The following CERS6 variants were observed in gnomAD, a reference collection of about 807,000 sequenced individuals.
CERS6 encodes the protein LAG1 homolog, ceramide synthase 6.
Under a neutral mutation model 56.8 loss-of-function variants are expected in CERS6, and 26 were observed. The ratio of observed to expected loss-of-function variants is 0.46; its 90% CI spans 0.34 to 0.63. CERS6 has a LOEUF of 0.63. CERS6 is among the 30% of genes least tolerant of loss of function. The probability of loss-of-function intolerance (pLI) is 0.01; values close to 1 mark genes in which losing one functional copy is unlikely to be tolerated. For synonymous variants in CERS6, 164 were observed against 173.3 expected (o/e 0.95, Z 0.42); for missense variants, 415 against 467.5 (o/e 0.89, Z 1.04).
chr2:168,522,823 A>G (rs558076682), intron 1 of CERS6, among the ~76,000 whole-genome samples: 264 of 152,308 alleles, frequency 1.7e-3, no homozygotes, highest in Middle Eastern at 0.017. Context: ...TGCTGAGATT[A>G]CAGGTGTGAA....
At chr2:168,764,237 G>T (rs976691338) in intron 8 of CERS6, among the ~76,000 whole-genome samples, 1 of 152,064 alleles carries the variant, frequency 6.6e-6, no homozygotes, top group Non-Finnish European at 1.5e-5. Flanking sequence ...CCACCTCCCA[G>T]GTTCACACCA....
At chr2:168,752,279 A>ATGTGTGTGTGTGTGTGTGTG (rs397870530) in intron 8 of CERS6, among the ~76,000 whole-genome samples, 2 of 132,514 alleles carry the variant, frequency 1.5e-5, no homozygotes. Context: ...AAAAAAATAA[A>ATGTGTGTGTGTGTGTGTGTG]TGTGTGTGTG....
intron 1 of CERS6, among the ~76,000 whole-genome samples, chr2:168,495,828 G>A (rs1307989995): frequency 6.6e-6 from 1 of 152,066 alleles, no homozygotes; most frequent in East Asian, 1.9e-4. Flanking sequence ...CTTTGCCCTT[G>A]TGCACCTATC....
intron 9 of CERS6, among the ~76,000 whole-genome samples, chr2:168,768,282 TGCAATGGC>T (rs1225772850): frequency 6.6e-6 from 1 of 151,360 alleles, no homozygotes; most frequent in East Asian, 1.9e-4. Context: ...CTGGCTGGAG[TGCAATGGC>T]GCGATCTTGG....
intron 6 of CERS6, among the ~76,000 whole-genome samples, chr2:168,704,350 C>G (rs949508059): frequency 4.6e-5 from 7 of 152,084 alleles, no homozygotes; most frequent in African/African-American, 1.7e-4. Context: ...AGTCCCACCT[C>G]TCTCAGGAGG....
intron 9 of CERS6, chr2:168,766,491 G>A (rs1171057620): frequency 1.3e-6 from 1 of 746,616 alleles, no homozygotes; most frequent in Non-Finnish European, 2.4e-6. Flanking sequence ...GTAGCTCTGT[G>A]AACTGCAAGA....
chr2:168,507,818 ATCTT>A (rs1016601521), intron 1 of CERS6, among the ~76,000 whole-genome samples: 1 of 152,170 alleles, frequency 6.6e-6, no homozygotes, highest in African/African-American at 2.4e-5. Context: ...TCTGAGAAAG[ATCTT>A]TCTTTCCTCT....
At chr2:168,597,535 C>G (rs1683830623) in intron 3 of CERS6, among the ~76,000 whole-genome samples, 1 of 152,098 alleles carries the variant, frequency 6.6e-6, no homozygotes, top group East Asian at 1.9e-4. Flanking sequence ...AAGATATTGC[C>G]GTCAGGTGCA....
At chr2:168,690,340 A>G (rs1253115942) in intron 4 of CERS6, among the ~76,000 whole-genome samples, 2 of 152,332 alleles carry the variant, frequency 1.3e-5, no homozygotes, top group East Asian at 3.9e-4. Flanking sequence ...GTCTTATTGG[A>G]TAATTCGGCT....
At chr2:168,592,104 A>G (rs922504846) in intron 3 of CERS6, among the ~76,000 whole-genome samples, 2 of 152,242 alleles carry the variant, frequency 1.3e-5, no homozygotes, top group African/African-American at 4.8e-5. Context: ...AATAAAATAA[A>G]TGCCCCAAAT....
At chr2:168,483,460 A>G (rs976114535) in intron 1 of CERS6, among the ~76,000 whole-genome samples, 4 of 152,094 alleles carry the variant, frequency 2.6e-5, no homozygotes, top group African/African-American at 9.7e-5. Context: ...ATCTCTTTCT[A>G]GAGGGAGTCT....
At chr2:168,567,360 T>C (rs758379410) in intron 3 of CERS6, among the ~76,000 whole-genome samples, 1 of 152,218 alleles carries the variant, frequency 6.6e-6, no homozygotes, top group African/African-American at 2.4e-5. Flanking sequence ...CAGCAAACTT[T>C]TCCTATAAAT....
At chr2:168,537,093 A>G (rs1218450673) in intron 1 of CERS6, among the ~76,000 whole-genome samples, 1 of 152,194 alleles carries the variant, frequency 6.6e-6, no homozygotes, top group East Asian at 1.9e-4. Flanking sequence ...TTATTACTCA[A>G]CAACAAAGGA....
At chr2:168,765,245 G>C (rs62175683) in intron 8 of CERS6, among the ~76,000 whole-genome samples, 2,894 of 152,332 alleles carry the variant, frequency 0.019, 39 homozygotes, top group Non-Finnish European at 0.027. Flanking sequence ...TGCTGAGCAT[G>C]TATGGCAGTG....
At chr2:168,595,669 G>A (rs1683780003) in intron 3 of CERS6, among the ~76,000 whole-genome samples, 1 of 152,134 alleles carries the variant, frequency 6.6e-6, no homozygotes, top group Non-Finnish European at 1.5e-5. Flanking sequence ...ACATTCAGAT[G>A]TATTGCAGCA....
intron 4 of CERS6, among the ~76,000 whole-genome samples, chr2:168,653,966 G>A (rs1685407046): frequency 1.3e-5 from 2 of 152,116 alleles, no homozygotes; most frequent in Admixed American, 6.5e-5. Flanking sequence ...ATTCTGTAAT[G>A]TGTCTCCCTC....
At position 168,774,521 on chromosome 2, in the gene CERS6, A is replaced by G. The variant is rs1684951106; in HGVS notation, c.*4859A>G. Reference sequence around the variant, plus strand: ...GCCTGGAAACCAGGGAGCAGCAACTATTGAGATGGTTTCTGTGTTCAGTGA... The same window carrying G: ...GCCTGGAAACCAGGGAGCAGCAACTGTTGAGATGGTTTCTGTGTTCAGTGA... On this transcript the variant is annotated 3_prime_UTR_variant, in exon 10 of 10. Coordinates refer to ENST00000305747, the MANE Select transcript of CERS6 (RefSeq NM_203463.3). 1.3e-5 allele frequency: 2 copies of G among 152,146 alleles called. No homozygotes were observed. The highest frequency in any genetic ancestry group is 6.5e-5 in the Admixed American group (1 of 15,278). 9.4% of individuals were successfully genotyped at this position (152,146 alleles called of 1,614,324 possible). A position where few individuals can be genotyped will look rare whatever the true frequency, so the allele number is the denominator to read the frequency against.
intron 2 of CERS6, among the ~76,000 whole-genome samples, chr2:168,559,899 G>A (rs1695757339): frequency 6.6e-6 from 1 of 151,612 alleles, no homozygotes; most frequent in Admixed American, 6.6e-5. Context: ...ATAAAGGAAT[G>A]GAGGTCACGT....
intron 3 of CERS6, among the ~76,000 whole-genome samples, chr2:168,613,062 A>G (rs764346713): frequency 1.3e-5 from 2 of 152,220 alleles, no homozygotes; most frequent in African/African-American, 4.8e-5. Context: ...GATATTTCCA[A>G]TGCAGAACTT....
Sources: allele counts gnomAD v4.1 joint callset (sites outside exome capture counted in the v4.1 genomes callset), GRCh38; gene constraint gnomAD v4.1.1; transcripts MANE v1.5; gene names NCBI Gene and HGNC (gene_info 2026-07-23, HGNC 2026-07-21).